Variants in HGD observed in about 807,000 individuals in gnomAD.
HGD encodes the protein homogentisate 1,2-dioxygenase.
Under a neutral mutation model 60.8 loss-of-function variants are expected in HGD, and 61 were observed. The ratio of observed to expected loss-of-function variants is 1.00; its 90% CI spans 0.82 to 1.24. HGD has a LOEUF of 1.24. Ranked by LOEUF, HGD falls within the 50% of genes most tolerant of loss-of-function variation. The pLI, the probability that HGD is intolerant of heterozygous loss-of-function variation, is 0.00. For missense variants in HGD, 542 were observed against 547.1 expected (o/e 0.99, Z 0.09); for synonymous variants, 212 against 187.7 (o/e 1.13, Z -1.06).
chr3:120,646,560 A>G (rs1315182663), intron 8 of HGD, among the ~76,000 whole-genome samples, 194 bp from the exon 9 acceptor site: 2 of 152,108 alleles, frequency 1.3e-5, no homozygotes, highest in Non-Finnish European at 2.9e-5. Context: ...GTTTAAAAAG[A>G]AAAACTGAAT....
chr3:120,629,980 A>G (rs1391676075), intron 13 of HGD, among the ~76,000 whole-genome samples: 2 of 152,182 alleles, frequency 1.3e-5, no homozygotes, highest in African/African-American at 4.8e-5. Flanking sequence ...TACACCAACA[A>G]CAGTCAAGCT....
intron 1 of HGD, among the ~76,000 whole-genome samples, chr3:120,676,568 C>T (rs1440200639): frequency 6.6e-6 from 1 of 152,182 alleles, no homozygotes; most frequent in African/African-American, 2.4e-5. Flanking sequence ...AGCCTATAAG[C>T]TGCATGAAGG....
chr3:120,629,468 T>C (rs1940517726), intron 13 of HGD, among the ~76,000 whole-genome samples: 1 of 152,250 alleles, frequency 6.6e-6, no homozygotes, highest in African/African-American at 2.4e-5. Flanking sequence ...CGCTGCCTGA[T>C]TTCCTGTGAC....
At position 120,641,712 on chromosome 3, in the gene HGD, A is replaced by G; in HGVS notation, c.775-19T>C. 6.5e-7 allele frequency: 1 copy of G among 1,545,054 alleles called. No individual in the cohort carries two copies. Among genetic ancestry groups the G allele is most frequent in the Non-Finnish European group, 9.0e-7 (1 of 1,117,172 alleles). On this transcript the variant is annotated intron_variant, in intron 10 of 13. Transcript: ENST00000283871. ...AGACATCCTAAACACAAAAAGCAGG[A>G]AAGGATAATTTTACCATCTAATGCT...
At chr3:120,646,185 G>C (rs1439634449) in intron 9 of HGD, 82 bp downstream of exon 9, 2 of 888,760 alleles carry the variant, frequency 2.3e-6, no homozygotes, top group African/African-American at 3.3e-5. Context: ...AGACAGCGAA[G>C]GGAGAAGGAT....
chr3:120,630,821 T>C lies in HGD; in HGVS notation c.1189-2292A>G, dbSNP rs202155546. ...CTTTATATATATATATATATATATA[T>C]ATATACACATACACACACACATACA... On this transcript the variant is annotated intron_variant, in intron 13 of 13. Transcript: ENST00000283871. Among the ~76,000 whole-genome samples the C allele has an allele frequency of 7.4e-5, 6 of 80,722 alleles. No individual in the cohort carries two copies. The South Asian group carries it at 2.0e-3, about 26-fold the overall frequency. The allele number at this position is 80,722 out of a possible 152,430, so 53.0% of individuals were successfully genotyped here. A position where few individuals can be genotyped will look rare whatever the true frequency, so the allele number is the denominator to read the frequency against.
chr3:120,640,015 G>A (rs1037143937), intron 11 of HGD, among the ~76,000 whole-genome samples: 5 of 151,866 alleles, frequency 3.3e-5, no homozygotes, highest in African/African-American at 1.2e-4. Flanking sequence ...ATTAATTGTG[G>A]GGTGGGGGTT....
intron 10 of HGD, 54 bp downstream of exon 10, chr3:120,644,265 A>C (rs1406262807): frequency 3.1e-6 from 5 of 1,608,570 alleles, no homozygotes; most frequent in Non-Finnish European, 4.2e-6. Context: ...GGCAATCAGT[A>C]AGTGCTCAAT....
intron 13 of HGD, among the ~76,000 whole-genome samples, chr3:120,632,755 T>C (rs900143864): frequency 6.6e-6 from 1 of 152,186 alleles, no homozygotes; most frequent in Non-Finnish European, 1.5e-5. Context: ...ATTAATAATG[T>C]TCCCTTACAT....
chr3:120,647,927 T>G lies in HGD; in HGVS notation c.435-16A>C. ...GTAAAAGCATCTGAAACATATAGAG[T>G]AATTCTTGTGATTTTCAGTTTTAAC... On this transcript the variant is annotated splice_polypyrimidine_tract_variant and intron_variant, in intron 6 of 13. Coordinates refer to ENST00000283871, the MANE Select transcript of HGD (RefSeq NM_000187.4). The G allele has an allele frequency of 6.2e-7, 1 of 1,600,002 alleles. No homozygotes were observed. Among genetic ancestry groups the G allele is most frequent in the Middle Eastern group, 1.7e-4 (1 of 6,044 alleles).
intron 10 of HGD, among the ~76,000 whole-genome samples, chr3:120,643,812 T>C (rs1941071699): frequency 1.3e-5 from 2 of 152,246 alleles, no homozygotes; most frequent in South Asian, 4.1e-4. Context: ...TGCCTTTGCT[T>C]GTGTCCTGAA....
intron 4 of HGD, among the ~76,000 whole-genome samples, chr3:120,656,080 A>T (rs1204644462): frequency 5.9e-5 from 9 of 152,194 alleles, no homozygotes; most frequent in Non-Finnish European, 1.2e-4. Context: ...ATCTGATAGG[A>T]TTGATGGCCT....
chr3:120,637,842 A>G (rs1940832283), intron 12 of HGD, among the ~76,000 whole-genome samples: 3 of 152,208 alleles, frequency 2.0e-5, no homozygotes. Flanking sequence ...AACTAGGCTC[A>G]GAATCAATGC....
intron 2 of HGD, 62 bp downstream of exon 2, chr3:120,675,730 C>T (rs1015675240): frequency 2.9e-6 from 4 of 1,368,438 alleles, no homozygotes; most frequent in Non-Finnish European, 4.2e-6. Context: ...GCACTTTGGC[C>T]TGAAAGCTAG....
intron 4 of HGD, among the ~76,000 whole-genome samples, chr3:120,668,078 G>A (rs977302547): frequency 6.6e-6 from 1 of 152,136 alleles, no homozygotes; most frequent in Non-Finnish European, 1.5e-5. Flanking sequence ...GGTTAGAATA[G>A]GGGCTGCATT....
chr3:120,673,151 A>T (rs1340239752), intron 3 of HGD, among the ~76,000 whole-genome samples: 2 of 152,038 alleles, frequency 1.3e-5, no homozygotes, highest in Non-Finnish European at 2.9e-5. Context: ...ATCTTTGGAG[A>T]GTTCTTCTAA....
intron 6 of HGD, among the ~76,000 whole-genome samples, chr3:120,649,177 C>A (rs35319796): frequency 1.5e-4 from 20 of 132,756 alleles, no homozygotes; most frequent in African/African-American, 5.6e-4. Flanking sequence ...GAGTCTCACA[C>A]GGTTGTCCGG....
In HGD at chr3:120,674,858, A is replaced by G. The variant is rs746435154; in HGVS notation, c.176+43T>C. ...GGAGGCAGCACAAAGTCCCTGTCATAGTACCCACAGTCTGCAGGTCAGAAT... is the reference window on the plus strand; with the variant it reads ...GGAGGCAGCACAAAGTCCCTGTCATGGTACCCACAGTCTGCAGGTCAGAAT... On this transcript the variant is annotated intron_variant, in intron 3 of 13. Coordinates refer to ENST00000283871, the MANE Select transcript of HGD (RefSeq NM_000187.4). 21 of 1,317,794 alleles carry G rather than the reference A, an allele frequency of 1.6e-5. No homozygotes were observed. The South Asian group carries it at 2.4e-4, about 15-fold the overall frequency. 81.6% of individuals were successfully genotyped at this position (1,317,794 alleles called of 1,614,324 possible). A position where few individuals can be genotyped will look rare whatever the true frequency, so the allele number is the denominator to read the frequency against.
At chr3:120,642,363 T>C (rs758380705) in intron 10 of HGD, among the ~76,000 whole-genome samples, 3 of 152,116 alleles carry the variant, frequency 2.0e-5, no homozygotes, top group Non-Finnish European at 2.9e-5. Context: ...TGACTAGAAA[T>C]GTTGAGGTAT....
Sources: allele counts gnomAD v4.1 joint callset (sites outside exome capture counted in the v4.1 genomes callset), GRCh38; gene constraint gnomAD v4.1.1; transcripts MANE v1.5; gene names NCBI Gene and HGNC (gene_info 2026-07-23, HGNC 2026-07-21).